Variants in CTNNA3 observed in about 807,000 individuals in gnomAD.
CTNNA3 encodes catenin alpha 3.
A neutral mutation model predicts 95.7 loss-of-function variants in CTNNA3; 76 were observed. The observed-to-expected ratio is 0.79, with a 90% CI of 0.66 to 0.96. The LOEUF is 0.96. Among genes scored for constraint, CTNNA3 ranks in the 40% least tolerant of loss-of-function variants. CTNNA3 has a pLI of 0.00. For synonymous variants in CTNNA3, 431 were observed against 374.4 expected (o/e 1.15, Z -1.74); for missense variants, 1,191 against 1,089.8 (o/e 1.09, Z -1.31).
intron 4 of CTNNA3, among the ~76,000 whole-genome samples, chr10:67,538,270 C>T (rs1274255695): frequency 6.7e-6 from 1 of 148,180 alleles, no homozygotes; most frequent in African/African-American, 2.5e-5. Flanking sequence ...TTAAAATAAG[C>T]AATAGTGAAT....
intron 5 of CTNNA3, among the ~76,000 whole-genome samples, chr10:67,353,095 C>A (rs1842691207): frequency 1.3e-5 from 2 of 152,038 alleles, no homozygotes; most frequent in African/African-American, 2.4e-5. Flanking sequence ...GCTTCCGCCA[C>A]TTACTAGCTC....
At chr10:66,863,285 C>T (rs1325629184) in intron 7 of CTNNA3, among the ~76,000 whole-genome samples, 1 of 151,378 alleles carries the variant, frequency 6.6e-6, no homozygotes, top group Non-Finnish European at 1.5e-5. Context: ...TCTGAAGAAC[C>T]CTGACTAATA....
At chr10:66,144,038 T>C (rs2083750029) in intron 13 of CTNNA3, among the ~76,000 whole-genome samples, 1 of 152,248 alleles carries the variant, frequency 6.6e-6, no homozygotes, top group African/African-American at 2.4e-5. Flanking sequence ...AATAATTCTA[T>C]GCCCTGATAG....
intron 13 of CTNNA3, among the ~76,000 whole-genome samples, chr10:66,106,502 A>G (rs1027754121): frequency 2.0e-5 from 3 of 152,098 alleles, no homozygotes; most frequent in Admixed American, 2.0e-4. Context: ...ATGAGTGATT[A>G]TGGGCAATAT....
chr10:66,705,556 T>C (rs183153151), intron 9 of CTNNA3, among the ~76,000 whole-genome samples: 45 of 152,150 alleles, frequency 3.0e-4, no homozygotes, highest in African/African-American at 9.9e-4. Context: ...GCCGTTTAAG[T>C]CATCTACATC....
intron 7 of CTNNA3, among the ~76,000 whole-genome samples, chr10:67,062,149 G>A (rs950890246): frequency 2.0e-5 from 3 of 151,664 alleles, no homozygotes; most frequent in African/African-American, 7.3e-5. Flanking sequence ...TTTGAGGCAG[G>A]TGGATGATAT....
At chr10:66,569,540 C>G (rs1051865943) in intron 10 of CTNNA3, among the ~76,000 whole-genome samples, 5 of 152,034 alleles carry the variant, frequency 3.3e-5, no homozygotes, top group African/African-American at 1.2e-4. Context: ...ATGTTTTGTG[C>G]ACAGAACAAT....
chr10:67,168,674 T>C (rs1050260850), intron 7 of CTNNA3, among the ~76,000 whole-genome samples: 3 of 152,122 alleles, frequency 2.0e-5, no homozygotes, highest in Non-Finnish European at 4.4e-5. Context: ...CAGCCAACAT[T>C]ATACTGAAAG....
chr10:67,068,453 A>C (rs933446125), intron 7 of CTNNA3, among the ~76,000 whole-genome samples: 12 of 152,200 alleles, frequency 7.9e-5, no homozygotes, highest in African/African-American at 2.4e-4. Context: ...AACCCTGGAG[A>C]GTTCTGAGTT....
intron 13 of CTNNA3, among the ~76,000 whole-genome samples, chr10:66,178,340 T>G (rs1169679016): frequency 2.7e-5 from 4 of 147,532 alleles, no homozygotes; most frequent in Non-Finnish European, 4.5e-5. Flanking sequence ...TATATGTGTA[T>G]ACACATATAT....
In CTNNA3 at chr10:67,103,884, C is replaced by A. The variant is rs182267453; in HGVS notation, c.1047+76433G>T. ...TAGAGACTTCCTTCAATATCCTAAACCAGAGGCCTAATGGAAAAAACAACA... is the reference window on the plus strand; with the variant it reads ...TAGAGACTTCCTTCAATATCCTAAAACAGAGGCCTAATGGAAAAAACAACA... On this transcript the variant is annotated intron_variant, in intron 7 of 17. Coordinates refer to ENST00000433211, the MANE Select transcript of CTNNA3 (RefSeq NM_013266.4). Among the ~76,000 whole-genome samples the A allele has an allele frequency of 3.3e-3, 502 of 151,516 alleles. 1 individual carries two copies. The highest frequency in any genetic ancestry group is 5.4e-3 in the Non-Finnish European group (368 of 67,654).
At chr10:66,579,158 AT>A (rs1180497080) in intron 10 of CTNNA3, among the ~76,000 whole-genome samples, 2 of 151,424 alleles carry the variant, frequency 1.3e-5, no homozygotes, top group African/African-American at 4.8e-5. Flanking sequence ...GATTTTTTGT[AT>A]TTCTTTGAGA....
intron 13 of CTNNA3, among the ~76,000 whole-genome samples, chr10:66,122,197 A>G (rs1425564796): frequency 6.6e-6 from 1 of 152,206 alleles, no homozygotes; most frequent in Non-Finnish European, 1.5e-5. Context: ...AAATCACTGT[A>G]ACAAAAATGA....
At chr10:66,450,972 T>C (rs2456671) in intron 11 of CTNNA3, among the ~76,000 whole-genome samples, 94,346 of 151,958 alleles carry the variant, frequency 0.62, 31,570 homozygotes, top group East Asian at 0.89. Flanking sequence ...TATTTGTTCT[T>C]TCCATATCTC....
At chr10:67,670,112 G>T (rs1840403628) in intron 1 of CTNNA3, among the ~76,000 whole-genome samples, 1 of 152,176 alleles carries the variant, frequency 6.6e-6, no homozygotes, top group Non-Finnish European at 1.5e-5. Flanking sequence ...AAACCTCTGT[G>T]TCTTGTTCCC....
intron 6 of CTNNA3, among the ~76,000 whole-genome samples, chr10:67,197,378 T>A (rs1863426946): frequency 6.6e-6 from 1 of 152,084 alleles, no homozygotes; most frequent in African/African-American, 2.4e-5. Context: ...CTGTCTATAA[T>A]GATGTCCTTT....
intron 6 of CTNNA3, among the ~76,000 whole-genome samples, chr10:67,183,253 G>A (rs757556548): frequency 1.5e-4 from 23 of 152,146 alleles, no homozygotes; most frequent in Non-Finnish European, 3.1e-4. Flanking sequence ...TGTTTATTGC[G>A]GCACTATTCA....
chr10:66,240,321 C>T (rs183679121), intron 13 of CTNNA3, among the ~76,000 whole-genome samples: 118 of 152,128 alleles, frequency 7.8e-4, no homozygotes, highest in African/African-American at 2.8e-3. Flanking sequence ...CTTATGTAAA[C>T]GGCTCATTTG....
At position 67,743,499 on chromosome 10, in the gene CTNNA3, TC is replaced by T. The variant is rs1385045730; in HGVS notation, c.-2+19934del. Among the ~76,000 whole-genome samples, 20 of 151,194 alleles carry T rather than the reference TC, an allele frequency of 1.3e-4. No homozygotes were observed. The Admixed American group carries it at 1.3e-3, about 10-fold the overall frequency. ...ATAAATTAGGTATTGATGGGACATA[TC>T]TCAAAATAATAAGAGCTATCTATGA... On this transcript the variant is annotated intron_variant, in intron 1 of 17. Transcript: ENST00000684154.
Sources: gnomAD v4.1 joint callset for allele counts (sites outside exome capture counted in the v4.1 genomes callset) on GRCh38, gnomAD v4.1.1 for gene constraint, MANE v1.5 for transcripts, NCBI Gene and HGNC (gene_info 2026-07-23, HGNC 2026-07-21) for gene names.